MAN2B2: variants seen among roughly 807,000 people sequenced by gnomAD.
MAN2B2 encodes the protein epididymis-specific alpha-mannosidase.
A neutral mutation model predicts 117.1 loss-of-function variants in MAN2B2; 106 were observed. That is an observed-to-expected ratio of 0.90 (90% CI 0.77 to 1.06). MAN2B2 has a LOEUF of 1.06. MAN2B2 is among the 50% of genes least tolerant of loss of function. The probability of loss-of-function intolerance (pLI) is 0.00; values close to 1 mark genes in which losing one functional copy is unlikely to be tolerated. For missense variants in MAN2B2, 1,326 were observed against 1,381.4 expected, an observed-to-expected ratio of 0.96 and a Z score of 0.64; for synonymous variants, 544 against 595.1, an observed-to-expected ratio of 0.91 and a Z score of 1.25.
At chr4:6,584,154 T>A (rs957320496) in intron 3 of MAN2B2, among the ~76,000 whole-genome samples, 1 of 152,208 alleles carries the variant, frequency 6.6e-6, no homozygotes, top group African/African-American at 2.4e-5. Flanking sequence ...TCACCCAACA[T>A]TCCTAGTGGG....
rs1218170102 is a variant in MAN2B2, at chr4:6,611,092, C to T, written c.2377C>T (p.Leu793Phe). 1.2e-6 allele frequency: 2 copies of T among 1,612,980 alleles called. No individual in the cohort carries two copies. Among genetic ancestry groups the T allele is most frequent in the South Asian group, 1.1e-5 (1 of 90,992 alleles). ...SQGNGQVEVMLHRRLWNNFDW... is the reference protein window; with the variant it reads ...SQGNGQVEVMFHRRLWNNFDW... ...GGACAATGCCTTCCCGCAGGTCATG[C>T]TCCACCGGCGGCTGTGGAACAACTT... Residue 793 changes from leucine to phenylalanine, a missense_variant, in exon 15 of 19, where the codon CTC becomes TTC. By Grantham distance (22) the Leu-to-Phe change is conservative. Coordinates refer to ENST00000285599, the MANE Select transcript of MAN2B2 (RefSeq NM_015274.3).
chr4:6,581,383 C>T (rs1203590098), intron 3 of MAN2B2, among the ~76,000 whole-genome samples: 2 of 152,100 alleles, frequency 1.3e-5, no homozygotes, highest in Non-Finnish European at 2.9e-5. Flanking sequence ...CTGAGAGATG[C>T]GGGATTTATA....
chr4:6,578,281 G>A (rs988521464), intron 2 of MAN2B2, 112 bp from the exon 3 acceptor site: 16 of 731,220 alleles, frequency 2.2e-5, no homozygotes, highest in Non-Finnish European at 3.8e-5. Flanking sequence ...GAGTAAGCAA[G>A]GGTGGGGAGT....
chr4:6,601,183 C>T (rs1727315041), intron 10 of MAN2B2, among the ~76,000 whole-genome samples: 1 of 152,158 alleles, frequency 6.6e-6, no homozygotes, highest in African/African-American at 2.4e-5. Context: ...AGGCAAGTGC[C>T]ATACTTACCA....
At chr4:6,583,281 T>A (rs74931599) in intron 3 of MAN2B2, among the ~76,000 whole-genome samples, 2,522 of 152,318 alleles carry the variant, frequency 0.017, 63 homozygotes, top group African/African-American at 0.058. Context: ...CAGGGACTGC[T>A]GGGGAATAGA....
At chr4:6,588,290 C>T (rs539197219) in intron 4 of MAN2B2, among the ~76,000 whole-genome samples, 168 of 152,280 alleles carry the variant, frequency 1.1e-3, no homozygotes, top group African/African-American at 3.9e-3. Context: ...TGTGGATGCC[C>T]CGCTTCTTTC....
chr4:6,579,492 A>G (rs1726342022), intron 3 of MAN2B2, among the ~76,000 whole-genome samples: 1 of 145,760 alleles, frequency 6.9e-6, no homozygotes, highest in African/African-American at 2.6e-5. Context: ...TACCACTACC[A>G]TCACCACCAC....
chr4:6,585,594 G>C (rs77641931), intron 3 of MAN2B2, among the ~76,000 whole-genome samples: 1 of 152,172 alleles, frequency 6.6e-6, no homozygotes, highest in Non-Finnish European at 1.5e-5. Context: ...ATCTATTTCC[G>C]TGTAGCAAAT....
rs1175857968 is a variant in MAN2B2, at chr4:6,587,104, G to T, written c.500G>T (p.Gly167Val). The T allele has an allele frequency of 6.2e-7, 1 of 1,613,974 alleles. No homozygotes were observed. Among genetic ancestry groups the T allele is most frequent in the Non-Finnish European group, 8.5e-7 (1 of 1,180,018 alleles). The change falls in exon 4 of 19, where the codon GGC (glycine) becomes GTC (valine). Residue 167 changes from glycine to valine, a missense_variant. Physicochemically the swap from Gly to Val is moderately radical, Grantham distance 109. Transcript: ENST00000285599. ...ACGCCCACCCTATTTGCGCTGGCGG[G>T]CTTCAATGCCCACCTCGGCTCCCGG... ...ATTPTLFALA[G>V]FNAHLGSRID...
At position 6,621,374 on chromosome 4, in the gene MAN2B2, G is replaced by A. The variant is rs1712165991; in HGVS notation, c.*89G>A. The stretch of plus-strand genomic sequence containing the variant: ...AGGACAGGGAAAAGCAGTGCGGAGG[G>A]ATGGGACTGGGGAGTCAGCTGCTCA... On this transcript the variant is annotated 3_prime_UTR_variant, in exon 19 of 19. Transcript: ENST00000285599. 10 of 1,073,634 alleles carry A rather than the reference G, an allele frequency of 9.3e-6. No homozygotes were observed. Among genetic ancestry groups the A allele is most frequent in the Non-Finnish European group, 1.4e-5 (10 of 730,766 alleles). The allele number at this position is 1,073,634 out of a possible 1,614,324, so 66.5% of individuals were successfully genotyped here.
intron 3 of MAN2B2, among the ~76,000 whole-genome samples, chr4:6,586,022 C>T (rs1011722123): frequency 2.0e-5 from 3 of 151,870 alleles, no homozygotes. Context: ...GTTGAAGACG[C>T]AGCAATAATT....
At chr4:6,610,805 G>A in intron 13 of MAN2B2, 75 bp from the exon 14 acceptor site, 3 of 1,261,374 alleles carry the variant, frequency 2.4e-6, no homozygotes, top group South Asian at 2.4e-5. Context: ...CACCAGCTGG[G>A]GTGGCCAGAG....
At chr4:6,611,051 G>A (rs1711524024) in intron 14 of MAN2B2, 35 bp from the exon 15 acceptor site, 2 of 1,611,936 alleles carry the variant, frequency 1.2e-6, no homozygotes, top group South Asian at 1.1e-5. Flanking sequence ...ATGCCCAGGT[G>A]CAAGCCGGGC....
rs948918667 is a variant in MAN2B2 at position 6,604,201 on chromosome 4, G to A, written c.1540-854G>A. ...GGCCAGAGGACAGAGTAAGGTCACCGCAGGGAGGAGGCTGGGTCCCAGAGG... is the reference window on the plus strand; with the variant it reads ...GGCCAGAGGACAGAGTAAGGTCACCACAGGGAGGAGGCTGGGTCCCAGAGG... On this transcript the variant is annotated intron_variant, in intron 10 of 18. Coordinates refer to ENST00000285599, the MANE Select transcript of MAN2B2 (RefSeq NM_015274.3). Among the ~76,000 whole-genome samples, 9 of 152,278 alleles carry A rather than the reference G, an allele frequency of 5.9e-5. No individual in the cohort carries two copies. The South Asian group carries it at 1.0e-3, about 18-fold the overall frequency.
At position 6,611,220 on chromosome 4, in the gene MAN2B2, C is replaced by T. The variant is rs367588869; in HGVS notation, c.2505C>T (p.Arg835=). The stretch of plus-strand genomic sequence containing the variant: ...CCTGGTCCCTCACCACTGCCCTGCG[C>T]CAGAGGAGCGCACTGGCGCTGCAGC... The part of the protein sequence containing the change: ...LGSWSLTTAL[R]QRSALALQHR... Residue 835 remains arginine (R), a synonymous_variant, in exon 15 of 19, where the codon CGC becomes CGT. Coordinates refer to ENST00000285599, the MANE Select transcript of MAN2B2 (RefSeq NM_015274.3). 1.4e-4 allele frequency: 224 copies of T among 1,613,622 alleles called. No homozygotes were observed. Among genetic ancestry groups the T allele is most frequent in the Non-Finnish European group, 1.8e-4 (213 of 1,179,998 alleles).
chr4:6,600,092 G>T (rs1028958880), intron 9 of MAN2B2, among the ~76,000 whole-genome samples: 21 of 152,224 alleles, frequency 1.4e-4, no homozygotes, highest in Non-Finnish European at 2.5e-4. Flanking sequence ...GTTCTCAGGT[G>T]TGGCCAGACC....
At chr4:6,611,404 G>A in intron 15 of MAN2B2, 126 bp downstream of exon 15, 1 of 946,894 alleles carries the variant, frequency 1.1e-6, no homozygotes, top group Non-Finnish European at 1.5e-6. Flanking sequence ...CGACCTCAGG[G>A]ACCTCTAGCC....
In MAN2B2 at chr4:6,619,963, G is replaced by C. The variant is rs559855506; in HGVS notation, c.2851G>C (p.Glu951Gln). Reference protein sequence around the residue: ...LQALGSVVAVEERSLTGTWDL... With the variant: ...LQALGSVVAVQERSLTGTWDL... ...GGCGCTGGGGTCCGTGGTGGCAGTGGAGGAGCGCTCGCTCACAGGGACCTG... is the reference window on the plus strand; with the variant it reads ...GGCGCTGGGGTCCGTGGTGGCAGTGCAGGAGCGCTCGCTCACAGGGACCTG... The change falls in exon 18 of 19, where the codon GAG becomes CAG. Residue 951 changes from glutamate to glutamine, a missense_variant. Transcript: ENST00000285599. The C allele has an allele frequency of 4.3e-6, 7 of 1,613,966 alleles. No homozygotes were observed. The highest frequency in any genetic ancestry group is 1.3e-5 in the African/African-American group (1 of 75,052).
At chr4:6,593,784 G>A (rs1726957322) in intron 6 of MAN2B2, among the ~76,000 whole-genome samples, 1 of 152,256 alleles carries the variant, frequency 6.6e-6, no homozygotes, top group Admixed American at 6.5e-5. Flanking sequence ...AGCACCTGCT[G>A]TGTGCTGGGC....
Sources: gnomAD v4.1 joint callset for allele counts (sites outside exome capture counted in the v4.1 genomes callset) on GRCh38, gnomAD v4.1.1 for gene constraint, MANE v1.5 for transcripts, NCBI Gene and HGNC (gene_info 2026-07-23, HGNC 2026-07-21) for gene names.